EPS8: variants seen among roughly 807,000 people sequenced by gnomAD.
EPS8 encodes the protein EGFR pathway substrate 8, signaling adaptor.
A neutral mutation model predicts 103.8 loss-of-function variants in EPS8; 42 were observed. The observed-to-expected ratio is 0.40, with a 90% CI of 0.32 to 0.52. The LOEUF is 0.52. Among genes scored for constraint, EPS8 ranks in the 20% least tolerant of loss-of-function variants. The pLI is 0.40. For missense variants in EPS8, 969 were observed against 1,005.1 expected (o/e 0.96, Z 0.49); for synonymous variants, 344 against 344.6 (o/e 1.00, Z 0.02).
intron 1 of EPS8, among the ~76,000 whole-genome samples, chr12:15,729,544 T>G (rs1946690885): frequency 6.6e-6 from 1 of 152,196 alleles, no homozygotes; most frequent in South Asian, 2.1e-4. Context: ...ACTGATGGCA[T>G]CAAAGGAATC....
In EPS8 at chr12:15,770,130, G is replaced by A. The variant is rs184800038; in HGVS notation, c.-22+19031C>T. ...ATTTCTGTATTTTTTGTAGAGATAG[G>A]GTTTTGTCATGTTGCCCACATTGGT... On this transcript the variant is annotated intron_variant, in intron 1 of 20. Coordinates refer to ENST00000281172, the MANE Select transcript of EPS8 (RefSeq NM_004447.6). 3.0e-3 allele frequency among the ~76,000 whole-genome samples: 450 copies of A among 151,092 alleles called. 2 individuals carry two copies. Among genetic ancestry groups the A allele is most frequent in the Middle Eastern group, 0.02 (6 of 294 alleles).
rs1186640693 is a variant in EPS8, at chr12:15,684,275, T to C, written c.-21-1303A>G. 1 of 152,140 alleles carries C rather than the reference T, an allele frequency of 6.6e-6. No individual in the cohort carries two copies. The highest frequency in any genetic ancestry group is 1.5e-5 in the Non-Finnish European group (1 of 68,022). The allele number at this position is 152,140 out of a possible 1,614,324, so 9.4% of individuals were successfully genotyped here. ...TTCAGATCTCAGTTCAATCACAATG[T>C]CCTCAGGGGAAGATTTTACTGACCG... On this transcript the variant is annotated intron_variant, in intron 1 of 20. Transcript: ENST00000281172. This position sits in a 1 kb window ranked among gnomAD's most constrained non-coding sequence, Gnocchi z 4.9.
Position 15,752,214 on chromosome 12 carries a change from G to A in EPS8, c.-22+36947C>T, listed in dbSNP as rs571542991. 6.8e-4 allele frequency among the ~76,000 whole-genome samples: 104 copies of A among 152,230 alleles called. No homozygotes were observed. The highest frequency in any genetic ancestry group is 1.4e-3 in the South Asian group (7 of 4,830). ...TGTAATCCCAGCACTTTGGGAGGCC[G>A]AGGCAGGCGGATCACGAGGTCAGGA... is the stretch of plus-strand genomic sequence containing the variant. On this transcript the variant is annotated intron_variant, in intron 1 of 20. Transcript: ENST00000281172. The surrounding 1 kb of genome is among the most constrained non-coding windows in gnomAD (Gnocchi z 4.4).
At chr12:15,765,025 A>C (rs1947078976) in intron 1 of EPS8, among the ~76,000 whole-genome samples, 1 of 152,228 alleles carries the variant, frequency 6.6e-6, no homozygotes. Flanking sequence ...GATATCTATC[A>C]GGTTATAATT....
In EPS8 at chr12:15,653,750, G is replaced by A. The variant is rs1945456243; in HGVS notation, c.1250+395C>T. Among the ~76,000 whole-genome samples the A allele has an allele frequency of 2.0e-5, 3 of 152,132 alleles. No individual in the cohort carries two copies. In the South Asian group the frequency reaches 6.2e-4, roughly 32 times the overall value. On this transcript the variant is annotated intron_variant, in intron 13 of 20. Transcript: ENST00000281172. ...CTTACTTTCCTCATCTGCAAAATAG[G>A]GATAATAAGAGTAGTTCTGTAAAGT...
In EPS8 at chr12:15,702,569, GA is replaced by G. The variant is rs1316087242; in HGVS notation, c.-21-19598del. On this transcript the variant is annotated intron_variant, in intron 1 of 20. Coordinates refer to ENST00000281172, the MANE Select transcript of EPS8 (RefSeq NM_004447.6). This position sits in a 1 kb window ranked among gnomAD's most constrained non-coding sequence, Gnocchi z 5.1. ...CATAGAGCAGCAGCAAACTACTGAA[GA>G]AAAAAAATGCATGCTTAATGTTTTT... Among the ~76,000 whole-genome samples, 5 of 151,208 alleles carry G rather than the reference GA, an allele frequency of 3.3e-5. No homozygotes were observed. The highest frequency in any genetic ancestry group is 1.3e-4 in the Admixed American group (2 of 15,184).
chr12:15,702,525 A>G lies in EPS8; in HGVS notation c.-21-19553T>C, dbSNP rs906707391. Among the ~76,000 whole-genome samples, 2 of 152,146 alleles carry G rather than the reference A, an allele frequency of 1.3e-5. No homozygotes were observed. Among genetic ancestry groups the G allele is most frequent in the African/African-American group, 2.4e-5 (1 of 41,434 alleles). ...GGGGTAATGTATGAATGTCTATGAG[A>G]TCAGTGTCTGGAAATCTTCATAGAG... On this transcript the variant is annotated intron_variant, in intron 1 of 20. Coordinates refer to ENST00000281172, the MANE Select transcript of EPS8 (RefSeq NM_004447.6). The surrounding 1 kb of genome is among the most constrained non-coding windows in gnomAD (Gnocchi z 5.1).
intron 15 of EPS8, among the ~76,000 whole-genome samples, chr12:15,644,898 T>G (rs910446284): frequency 6.6e-6 from 1 of 152,082 alleles, no homozygotes; most frequent in Non-Finnish European, 1.5e-5. Context: ...CTTAGCAACA[T>G]AGAACATCAA....
chr12:15,661,831 A>G (rs1250597946), intron 9 of EPS8, among the ~76,000 whole-genome samples, 195 bp downstream of exon 9: 3 of 152,242 alleles, frequency 2.0e-5, no homozygotes, highest in Admixed American at 1.3e-4. Flanking sequence ...TACTAACTAA[A>G]TATTGGCATA....
intron 1 of EPS8, among the ~76,000 whole-genome samples, chr12:15,726,006 A>T (rs1380455703): frequency 6.6e-6 from 1 of 152,240 alleles, no homozygotes; most frequent in East Asian, 1.9e-4. Flanking sequence ...CTAATAAAAA[A>T]TCATACTTAA....
rs989183360 is a variant in EPS8, at chr12:15,620,772, T to C, written c.*545A>G. 2 of 152,460 alleles carry C rather than the reference T, an allele frequency of 1.3e-5. No individual in the cohort carries two copies. Among genetic ancestry groups the C allele is most frequent in the Admixed American group, 1.3e-4 (2 of 15,282 alleles). The allele number at this position is 152,460 out of a possible 1,614,324, so 9.4% of individuals were successfully genotyped here. A position where few individuals can be genotyped will look rare whatever the true frequency, so the allele number is the denominator to read the frequency against. ...GCATGTCCAAGGTATGGCTGTACTT[T>C]ACAGTTCATTCAAATGTTTTAATTT... On this transcript the variant is annotated 3_prime_UTR_variant, in exon 21 of 21. Coordinates refer to ENST00000281172, the MANE Select transcript of EPS8 (RefSeq NM_004447.6).
intron 6 of EPS8, among the ~76,000 whole-genome samples, chr12:15,668,350 G>A (rs1444865136): frequency 6.6e-6 from 1 of 152,106 alleles, no homozygotes; most frequent in Non-Finnish European, 1.5e-5. Flanking sequence ...AAAAGATCAA[G>A]TAACTGTGCT....
rs538616790 is a variant in EPS8 at position 15,784,787 on chromosome 12, T to C, written c.-22+4374A>G. On this transcript the variant is annotated intron_variant, in intron 1 of 20. Transcript: ENST00000281172. This position sits in a 1 kb window ranked among gnomAD's most constrained non-coding sequence, Gnocchi z 4.0. ...CAAACCATGATATATCTGATAATGA[T>C]AGAAAGAAATGAGCTATTAAACCTC... Among the ~76,000 whole-genome samples, 6 of 152,176 alleles carry C rather than the reference T, an allele frequency of 3.9e-5. No individual in the cohort carries two copies. The South Asian group carries it at 1.0e-3, about 26-fold the overall frequency.
In EPS8 at chr12:15,715,394, C is replaced by CTTTTTT. The variant is rs3086457; in HGVS notation, c.-21-32428_-21-32423dup. Among the ~76,000 whole-genome samples, 25 of 127,164 alleles carry CTTTTTT rather than the reference C, an allele frequency of 2.0e-4. 2 individuals carry two copies. The highest frequency in any genetic ancestry group is 2.7e-4 in the African/African-American group (9 of 32,840). 83.4% of individuals were successfully genotyped at this position (127,164 alleles called of 152,430 possible). On this transcript the variant is annotated intron_variant, in intron 1 of 20. Coordinates refer to ENST00000281172, the MANE Select transcript of EPS8 (RefSeq NM_004447.6). ...TTTCTTTTTTTTTTTCTTTACTTTT[C>CTTTTTT]TTTTTTTTTTTTTTTTGAGATGGAG...
chr12:15,640,736 C>T lies in EPS8; in HGVS notation c.1788G>A (p.Gly596=). Residue 596 remains glycine, a synonymous_variant, in exon 17 of 21, where the codon GGG becomes GGA. Coordinates refer to ENST00000281172, the MANE Select transcript of EPS8 (RefSeq NM_004447.6). The part of the protein sequence containing the change: ...DIVRPPESGL[G]RADPPYTHTI... ...TATGAGTATAAGGTGGATCAGCACG[C>T]CCCAATCCAGATTCTGGAGGTCTCA... 1 of 1,613,868 alleles carries T rather than the reference C, an allele frequency of 6.2e-7. No individual in the cohort carries two copies. Among genetic ancestry groups the T allele is most frequent in the South Asian group, 1.1e-5 (1 of 91,062 alleles).
chr12:15,689,093 T>C (rs531805297), intron 1 of EPS8, among the ~76,000 whole-genome samples: 1 of 151,830 alleles, frequency 6.6e-6, no homozygotes, highest in East Asian at 1.9e-4. Flanking sequence ...GAAGCTAAAA[T>C]TAGAAGCAGA....
At chr12:15,629,598 G>A (rs978665911) in intron 18 of EPS8, among the ~76,000 whole-genome samples, 1 of 152,022 alleles carries the variant, frequency 6.6e-6, no homozygotes, top group Non-Finnish European at 1.5e-5. Flanking sequence ...TTTTATTATG[G>A]TTCTACACAC....
In EPS8 at chr12:15,781,274, G is replaced by C. The variant is rs2136055019; in HGVS notation, c.-22+7887C>G. ...TTCGCTATTCTTGTTTGGCACAGTAGTAATTTGAGCAAGTATATAGCACAG... is the reference window on the plus strand; with the variant it reads ...TTCGCTATTCTTGTTTGGCACAGTACTAATTTGAGCAAGTATATAGCACAG... On this transcript the variant is annotated intron_variant, in intron 1 of 20. Coordinates refer to ENST00000281172, the MANE Select transcript of EPS8 (RefSeq NM_004447.6). The surrounding 1 kb of genome is among the most constrained non-coding windows in gnomAD (Gnocchi z 4.1). Among the ~76,000 whole-genome samples the C allele has an allele frequency of 6.6e-6, 1 of 152,268 alleles. No individual in the cohort carries two copies. Among genetic ancestry groups the C allele is most frequent in the East Asian group, 1.9e-4 (1 of 5,180 alleles).
At chr12:15,653,985 C>T (rs1409932401) in intron 13 of EPS8, among the ~76,000 whole-genome samples, 160 bp downstream of exon 13, 1 of 152,206 alleles carries the variant, frequency 6.6e-6, no homozygotes, top group Non-Finnish European at 1.5e-5. Flanking sequence ...ATTACATACA[C>T]TTCTATCTCT....
Sources: allele counts gnomAD v4.1 joint callset (sites outside exome capture counted in the v4.1 genomes callset), GRCh38; gene constraint gnomAD v4.1.1; non-coding constraint Gnocchi (gnomAD v3.1); transcripts MANE v1.5; gene names NCBI Gene and HGNC (gene_info 2026-07-23, HGNC 2026-07-21).